TAF1A: variants seen among roughly 807,000 people sequenced by gnomAD.
TAF1A encodes the protein TATA box-binding protein-associated factor RNA polymerase I subunit A.
In TAF1A, 42 loss-of-function variants were observed where a neutral mutation model predicts 61.6. The observed-to-expected ratio is 0.68, with a 90% CI of 0.53 to 0.88. TAF1A has a LOEUF of 0.88. Among genes scored for constraint, TAF1A ranks in the 40% least tolerant of loss-of-function variants. The probability of loss-of-function intolerance (pLI) is 0.00; values close to 1 mark genes in which losing one functional copy is unlikely to be tolerated. For missense variants in TAF1A, 424 were observed against 518.7 expected (o/e 0.82, Z 1.77); for synonymous variants, 179 against 177.7 (o/e 1.01, Z -0.06).
intron 2 of TAF1A, among the ~76,000 whole-genome samples, chr1:222,585,529 C>T (rs980835623): frequency 2.4e-4 from 36 of 151,772 alleles, no homozygotes; most frequent in African/African-American, 8.2e-4. Context: ...CTCACCATAG[C>T]CTAGACCTCC....
At chr1:222,560,155 A>C (rs571865038) in intron 10 of TAF1A, among the ~76,000 whole-genome samples, 1 of 152,262 alleles carries the variant, frequency 6.6e-6, no homozygotes, top group East Asian at 1.9e-4. Flanking sequence ...CAAAGCACAA[A>C]GCAAAGGCAG....
At chr1:222,571,545 G>T (rs1053122539) in intron 5 of TAF1A, among the ~76,000 whole-genome samples, 1 of 151,886 alleles carries the variant, frequency 6.6e-6, no homozygotes, top group Non-Finnish European at 1.5e-5. Context: ...CAGAGTACAA[G>T]ATCAATACAC....
chr1:222,587,638 T>G (rs1024196588), intron 2 of TAF1A, among the ~76,000 whole-genome samples: 9 of 152,324 alleles, frequency 5.9e-5, no homozygotes, highest in Non-Finnish European at 1.2e-4. Context: ...AAATATATTC[T>G]TATAGGGAAT....
intron 5 of TAF1A, among the ~76,000 whole-genome samples, chr1:222,576,521 G>T (rs1426608567): frequency 1.3e-5 from 2 of 152,146 alleles, no homozygotes; most frequent in Non-Finnish European, 2.9e-5. Context: ...CAAGGCAAGC[G>T]AATTGCAAAG....
chr1:222,570,817 T>G, intron 5 of TAF1A, 152 bp from the exon 6 acceptor site: 1 of 699,012 alleles, frequency 1.4e-6, no homozygotes, highest in South Asian at 2.8e-5. Flanking sequence ...TACTAATTCT[T>G]CACAAATTCT....
At chr1:222,561,339 G>A (rs1411245314) in intron 10 of TAF1A, 25 bp downstream of exon 10, 3 of 1,589,318 alleles carry the variant, frequency 1.9e-6, no homozygotes, top group Non-Finnish European at 2.6e-6. Flanking sequence ...GCTGTGTCTA[G>A]ATAAAACGAA....
Position 222,579,334 on chromosome 1 carries a change from T to C in TAF1A, c.405+425A>G, listed in dbSNP as rs984009724. 3.3e-5 allele frequency among the ~76,000 whole-genome samples: 5 copies of C among 152,340 alleles called. No individual in the cohort carries two copies. The East Asian group carries it at 9.6e-4, about 29-fold the overall frequency. ...TTTGGATAAGACTTTTACAAAAGGA[T>C]ATATGAACTTGGAGGTGAAGATTCC... is the stretch of plus-strand genomic sequence containing the variant. On this transcript the variant is annotated intron_variant, in intron 4 of 10. Coordinates refer to ENST00000352967, the MANE Select transcript of TAF1A (RefSeq NM_005681.4).
At chr1:222,580,694 T>C (rs1660750686) in intron 3 of TAF1A, among the ~76,000 whole-genome samples, 1 of 151,944 alleles carries the variant, frequency 6.6e-6, no homozygotes, top group Non-Finnish European at 1.5e-5. Flanking sequence ...ACTGTAGTAT[T>C]TGGGAGCTTA....
In TAF1A at chr1:222,563,305, G is replaced by GT. The variant is rs1558141721; in HGVS notation, c.962-10dup. ...ACGGTGTTCTTCTTTTTCTGCAATG[G>GT]TTTTAACAGTTCAAGTTTACATAAG... On this transcript the variant is annotated splice_polypyrimidine_tract_variant and intron_variant, in intron 8 of 10. Coordinates refer to ENST00000352967, the MANE Select transcript of TAF1A (RefSeq NM_005681.4). 2 of 1,609,790 alleles carry GT rather than the reference G, an allele frequency of 1.2e-6. No homozygotes were observed. Among genetic ancestry groups the GT allele is most frequent in the South Asian group, 2.2e-5 (2 of 90,366 alleles).
intron 2 of TAF1A, among the ~76,000 whole-genome samples, chr1:222,585,501 G>A (rs1288750100): frequency 2.7e-5 from 4 of 147,934 alleles, no homozygotes; most frequent in Admixed American, 6.8e-5. Flanking sequence ...AGGCTGGACC[G>A]CACTAGCACA....
At chr1:222,560,446 G>A (rs1228687731) in intron 10 of TAF1A, among the ~76,000 whole-genome samples, 1 of 152,168 alleles carries the variant, frequency 6.6e-6, no homozygotes, top group Non-Finnish European at 1.5e-5. Context: ...ACCTAAGTTA[G>A]ATAGCAAGGG....
At chr1:222,573,273 AAAT>A (rs1466750678) in intron 5 of TAF1A, among the ~76,000 whole-genome samples, 2 of 152,214 alleles carry the variant, frequency 1.3e-5, no homozygotes, top group Non-Finnish European at 2.9e-5. Flanking sequence ...CCGTCTCAAA[AAAT>A]AATAATAGTA....
chr1:222,561,583 A>C, intron 9 of TAF1A, 65 bp from the exon 10 acceptor site: 1 of 1,428,362 alleles, frequency 7.0e-7, no homozygotes, highest in South Asian at 1.5e-5. Flanking sequence ...ATCAGAATTT[A>C]GACTTAACTA....
At chr1:222,560,384 G>A (rs1398290927) in intron 10 of TAF1A, among the ~76,000 whole-genome samples, 3 of 152,168 alleles carry the variant, frequency 2.0e-5, no homozygotes, top group Non-Finnish European at 2.9e-5. Context: ...ACAATAAGAT[G>A]GGTGTTACAA....
At chr1:222,562,156 G>A (rs983663039) in intron 9 of TAF1A, among the ~76,000 whole-genome samples, 2 of 151,984 alleles carry the variant, frequency 1.3e-5, no homozygotes, top group South Asian at 4.1e-4. Flanking sequence ...TTTTTTTATT[G>A]TATATATTTA....
intron 3 of TAF1A, among the ~76,000 whole-genome samples, chr1:222,580,170 A>C (rs1373989970): frequency 6.6e-6 from 1 of 152,212 alleles, no homozygotes; most frequent in African/African-American, 2.4e-5. Context: ...AAAATGTTTA[A>C]TTGGTATGGA....
Position 222,563,264 on chromosome 1 carries a change from C to T in TAF1A, c.994G>A (p.Val332Ile). The T allele has an allele frequency of 6.2e-7, 1 of 1,613,056 alleles. No homozygotes were observed. The highest frequency in any genetic ancestry group is 1.1e-5 in the South Asian group (1 of 90,968). Residue 332 changes from valine to isoleucine, a missense_variant, in exon 9 of 11, where the codon GTA (valine) becomes ATA (isoleucine). Coordinates refer to ENST00000352967, the MANE Select transcript of TAF1A (RefSeq NM_005681.4). ...GCAAAATCTAAGACTCCAAATAATA[C>T]CTCCAACCCCAGTTTACGGTGTTCT... Reference protein sequence around the residue: ...KEEHRKLGLEVLFGVLDFAGC... With the variant: ...KEEHRKLGLEILFGVLDFAGC...
chr1:222,588,775 G>A (rs1041412202), intron 1 of TAF1A, among the ~76,000 whole-genome samples: 4 of 152,144 alleles, frequency 2.6e-5, no homozygotes, highest in Admixed American at 2.6e-4. Flanking sequence ...AACCACTAAT[G>A]TTTCAAGTCC....
intron 7 of TAF1A, 141 bp downstream of exon 7, chr1:222,569,369 C>G (rs1290464525): frequency 6.4e-7 from 1 of 1,557,882 alleles, no homozygotes; most frequent in Non-Finnish European, 8.7e-7. Flanking sequence ...GCAGCTGGAG[C>G]CAACTTTCTC....
Sources: gnomAD v4.1 joint callset for allele counts (sites outside exome capture counted in the v4.1 genomes callset) on GRCh38, gnomAD v4.1.1 for gene constraint, MANE v1.5 for transcripts, NCBI Gene and HGNC (gene_info 2026-07-23, HGNC 2026-07-21) for gene names.